The following NFATC2 variants were observed in gnomAD, a reference collection of about 807,000 sequenced individuals.
NFATC2 encodes nuclear factor of activated T-cells, cytoplasmic 2.
A neutral mutation model predicts 87.3 loss-of-function variants in NFATC2; 22 were observed. The ratio of observed to expected loss-of-function variants is 0.25; its 90% confidence interval spans 0.18 to 0.36. NFATC2 has a LOEUF of 0.36. Among genes scored for constraint, NFATC2 ranks in the 10% least tolerant of loss-of-function variants. NFATC2 has a pLI of 1.00. For synonymous variants in NFATC2, 565 were observed against 542.2 expected, an observed-to-expected ratio of 1.04 and a Z score of -0.58; for missense variants, 1,149 against 1,259.1, an observed-to-expected ratio of 0.91 and a Z score of 1.32.
At chr20:51,484,260 T>C (rs143798356) in intron 3 of NFATC2, among the ~76,000 whole-genome samples, 13 of 152,166 alleles carry the variant, frequency 8.5e-5, no homozygotes, top group South Asian at 2.1e-4. Context: ...CCACTCTTCA[T>C]TGGAACCTGT....
chr20:51,408,772 A>G (rs1467059237), intron 9 of NFATC2, among the ~76,000 whole-genome samples: 6 of 152,206 alleles, frequency 3.9e-5, no homozygotes, highest in Non-Finnish European at 8.8e-5. Context: ...TGTGACATCA[A>G]GGTAGAGAAA....
chr20:51,557,045 A>G (rs528476231), intron 1 of NFATC2, among the ~76,000 whole-genome samples: 1 of 152,334 alleles, frequency 6.6e-6, no homozygotes, highest in South Asian at 2.1e-4. Flanking sequence ...TGCAGGAAGC[A>G]GTAAAGACTG....
intron 6 of NFATC2, among the ~76,000 whole-genome samples, chr20:51,446,764 T>A: frequency 6.6e-6 from 1 of 152,210 alleles, no homozygotes; most frequent in East Asian, 1.9e-4. Flanking sequence ...CTGGATCGCA[T>A]CTTTGGAGAG....
At position 51,523,128 on chromosome 20, in the gene NFATC2, A is replaced by T; in HGVS notation, c.1113T>A (p.Val371=). 1 of 1,614,234 alleles carries T rather than the reference A, an allele frequency of 6.2e-7. No individual in the cohort carries two copies. The highest frequency in any genetic ancestry group is 8.5e-7 in the Non-Finnish European group (1 of 1,180,040). ...CCAGCGGCTTGGGCCAAGTGGGCGG[A>T]ACCAGCAGGATGGATTCTGGAGCCG... The part of the protein sequence containing the change: ...RNSAPESILL[V]PPTWPKPLVP... The change falls in exon 2 of 11, where the codon GTT becomes GTA. Residue 371 remains valine (V), a synonymous_variant. Coordinates refer to ENST00000371564, the MANE Select transcript of NFATC2 (RefSeq NM_012340.5). This position sits in a 1 kb window ranked among gnomAD's most constrained non-coding sequence, Gnocchi z 6.9.
At position 51,390,477 on chromosome 20, in the gene NFATC2, C is replaced by T. The variant is rs569832321; in HGVS notation, c.*1019G>A. On this transcript the variant is annotated 3_prime_UTR_variant, in exon 11 of 11. Transcript: ENST00000371564. ...ATGCTTGAGATTCTCCACCGCTTTA[C>T]GGAAAAGCACTCTGGCTGCTAGGAA... 2 of 152,316 alleles carry T rather than the reference C, an allele frequency of 1.3e-5. No individual in the cohort carries two copies. Among genetic ancestry groups the T allele is most frequent in the South Asian group, 4.1e-4 (2 of 4,826 alleles). 9.4% of individuals were successfully genotyped at this position (152,316 alleles called of 1,614,324 possible).
intron 9 of NFATC2, among the ~76,000 whole-genome samples, chr20:51,425,520 G>A (rs1378408508): frequency 6.6e-6 from 1 of 152,214 alleles, no homozygotes; most frequent in Non-Finnish European, 1.5e-5. Flanking sequence ...GTCGGCACCA[G>A]GAGGCCCAGC....
intron 6 of NFATC2, among the ~76,000 whole-genome samples, chr20:51,441,205 C>T (rs1984288514): frequency 6.6e-6 from 1 of 152,008 alleles, no homozygotes; most frequent in Non-Finnish European, 1.5e-5. Flanking sequence ...ATCACTTGAA[C>T]CTGGGAGGTG....
intron 1 of NFATC2, among the ~76,000 whole-genome samples, chr20:51,537,705 G>C (rs1281900365): frequency 6.6e-6 from 1 of 152,206 alleles, no homozygotes; most frequent in African/African-American, 2.4e-5. Flanking sequence ...AGGGAATTCA[G>C]CTTCTGAACT....
chr20:51,557,256 GA>G (rs887011366), intron 1 of NFATC2, among the ~76,000 whole-genome samples: 1 of 152,144 alleles, frequency 6.6e-6, no homozygotes, highest in Non-Finnish European at 1.5e-5. Flanking sequence ...ATCCAGTAGG[GA>G]AAAGATGATC....
intron 3 of NFATC2, among the ~76,000 whole-genome samples, chr20:51,485,247 C>G (rs1989607694): frequency 6.6e-6 from 1 of 152,224 alleles, no homozygotes; most frequent in South Asian, 2.1e-4. Flanking sequence ...CCCCAGCCCC[C>G]TCTACTCATG....
At chr20:51,446,568 T>G (rs540088473) in intron 6 of NFATC2, among the ~76,000 whole-genome samples, 1 of 152,222 alleles carries the variant, frequency 6.6e-6, no homozygotes, top group Admixed American at 6.5e-5. Flanking sequence ...TTAGACACAA[T>G]GAGTGTTCTA....
At chr20:51,399,446 A>G (rs1439695200) in intron 9 of NFATC2, among the ~76,000 whole-genome samples, 3 of 152,232 alleles carry the variant, frequency 2.0e-5, no homozygotes, top group South Asian at 2.1e-4. Context: ...TCTGAGTCCA[A>G]TTTCTTACAG....
chr20:51,524,726 G>A lies in NFATC2; in HGVS notation c.131-616C>T, dbSNP rs1434220941. On this transcript the variant is annotated intron_variant, in intron 1 of 10. Coordinates refer to ENST00000371564, the MANE Select transcript of NFATC2 (RefSeq NM_012340.5). This position sits in a 1 kb window ranked among gnomAD's most constrained non-coding sequence, Gnocchi z 4.0. Reference sequence around the variant, plus strand: ...AGATTTCACACCAAGTACAAGAAGTGGCTTCATTCAGATCCAGGGCTCCTG... The same window carrying A: ...AGATTTCACACCAAGTACAAGAAGTAGCTTCATTCAGATCCAGGGCTCCTG... Among the ~76,000 whole-genome samples the A allele has an allele frequency of 6.6e-6, 1 of 152,064 alleles. No individual in the cohort carries two copies. The highest frequency in any genetic ancestry group is 2.4e-5 in the African/African-American group (1 of 41,400).
intron 6 of NFATC2, among the ~76,000 whole-genome samples, chr20:51,437,518 C>G (rs190904743): frequency 2.2e-4 from 33 of 152,316 alleles, no homozygotes; most frequent in Non-Finnish European, 1.6e-4. Context: ...AGTCTTGGCT[C>G]TTAAGATTCA....
chr20:51,518,057 C>T (rs1303954697), intron 2 of NFATC2, among the ~76,000 whole-genome samples: 2 of 152,248 alleles, frequency 1.3e-5, no homozygotes, highest in African/African-American at 4.8e-5. Flanking sequence ...ATTTCTTACA[C>T]ATGACAGGTA....
chr20:51,416,438 T>G (rs1005606882), intron 9 of NFATC2, among the ~76,000 whole-genome samples: 1 of 152,150 alleles, frequency 6.6e-6, no homozygotes, highest in Admixed American at 6.5e-5. Flanking sequence ...TCTCACTCTG[T>G]CTGGCTGAAG....
At chr20:51,395,323 TGGTATTGATCCTTTAATTAACTTGTAC>T (rs562357408) in intron 10 of NFATC2, among the ~76,000 whole-genome samples, 3 of 82,486 alleles carry the variant, frequency 3.6e-5, no homozygotes, top group South Asian at 4.0e-4. Context: ...TTAACTTGTA[TGGTATTGATCCTTTAATTAACTTGTAC>T]GGTATTGATC....
intron 3 of NFATC2, among the ~76,000 whole-genome samples, chr20:51,489,495 A>G (rs1020750062): frequency 3.3e-5 from 5 of 152,126 alleles, no homozygotes; most frequent in Non-Finnish European, 5.9e-5. Flanking sequence ...AGGTAATTAA[A>G]CCTAAGTCTA....
intron 3 of NFATC2, among the ~76,000 whole-genome samples, chr20:51,504,171 C>T (rs373810405): frequency 3.3e-5 from 5 of 152,188 alleles, no homozygotes; most frequent in Non-Finnish European, 7.3e-5. Context: ...TACAGGCATG[C>T]ACCACCACAC....
Sources: allele counts gnomAD v4.1 joint callset (sites outside exome capture counted in the v4.1 genomes callset), GRCh38; gene constraint gnomAD v4.1.1; non-coding constraint Gnocchi (gnomAD v3.1); transcripts MANE v1.5; gene names NCBI Gene and HGNC (gene_info 2026-07-23, HGNC 2026-07-21).